ATRX: variants seen among roughly 807,000 people sequenced by gnomAD.
ATRX encodes the protein ATRX chromatin remodeler, also known as chromatin remodeler ATRX.
Under a neutral mutation model 172.6 loss-of-function variants are expected in ATRX, and 12 were observed. That is an observed-to-expected ratio of 0.07 (90% CI 0.04 to 0.11). The LOEUF (loss-of-function observed/expected upper bound fraction) is 0.11, where lower values mean the gene tolerates loss of function less well. Ranked by LOEUF, ATRX falls within the 10% of genes least tolerant of loss-of-function variation. ATRX has a pLI of 1.00. For missense variants in ATRX, 1,368 were observed against 1,767.4 expected (o/e 0.77, Z 4.05); for synonymous variants, 674 against 594.7 (o/e 1.13, Z -1.94).
intron 1 of ATRX, among the ~76,000 whole-genome samples, chrX:77,720,967 G>T (rs2073728463): frequency 9.0e-6 from 1 of 111,634 alleles, no homozygotes; most frequent in Non-Finnish European, 1.9e-5. Context: ...ACATCAAAAA[G>T]CTTATCCACC....
intron 13 of ATRX, 28 bp downstream of exon 13, chrX:77,656,532 A>G: frequency 8.7e-7 from 1 of 1,151,897 alleles, no homozygotes; most frequent in Non-Finnish European, 1.2e-6. Context: ...ATTAATTCCT[A>G]AAATTTTTTA....
At chrX:77,536,928 C>G (rs782505301) in intron 30 of ATRX, among the ~76,000 whole-genome samples, 87 of 111,858 alleles carry the variant, frequency 7.8e-4, no homozygotes, top group Non-Finnish European at 1.3e-3. Flanking sequence ...ATTAAGATCA[C>G]AGGCTCTGGA....
intron 30 of ATRX, among the ~76,000 whole-genome samples, chrX:77,528,150 C>T (rs1557044674): frequency 9.1e-6 from 1 of 109,859 alleles, no homozygotes; most frequent in Non-Finnish European, 1.9e-5. Flanking sequence ...CCCCCTCCTT[C>T]CCCGCACAAG....
intron 1 of ATRX, among the ~76,000 whole-genome samples, chrX:77,720,439 A>G (rs1456799146): frequency 1.8e-5 from 2 of 111,616 alleles, no homozygotes; most frequent in Admixed American, 9.6e-5. Flanking sequence ...CCGGACTAAT[A>G]AAGAACAAAA....
chrX:77,638,374 G>C (rs1408160291), intron 15 of ATRX, among the ~76,000 whole-genome samples: 1 of 113,026 alleles, frequency 8.8e-6, no homozygotes, highest in African/African-American at 3.2e-5. Flanking sequence ...TCAGGAGGCT[G>C]AGGCAGGAGA....
chrX:77,729,365 T>C (rs987135141), intron 1 of ATRX, among the ~76,000 whole-genome samples: 3 of 111,630 alleles, frequency 2.7e-5, no homozygotes, highest in Non-Finnish European at 3.8e-5. Flanking sequence ...ACCCCAAAAA[T>C]ATCTTTAGTA....
chrX:77,758,635 G>A (rs2075602240), intron 1 of ATRX, among the ~76,000 whole-genome samples: 1 of 109,651 alleles, frequency 9.1e-6, no homozygotes, highest in Admixed American at 9.8e-5. Flanking sequence ...GCATGCTCCT[G>A]TAATCCCAGC....
At chrX:77,539,728 C>T (rs1279343651) in intron 30 of ATRX, among the ~76,000 whole-genome samples, 2 of 111,391 alleles carry the variant, frequency 1.8e-5, no homozygotes, top group Admixed American at 9.6e-5. Context: ...GCTTTATAAG[C>T]GAAGGAGAAA....
At chrX:77,654,533 T>C (rs1041879595) in intron 13 of ATRX, among the ~76,000 whole-genome samples, 1 of 111,382 alleles carries the variant, frequency 9.0e-6, no homozygotes, top group Non-Finnish European at 1.9e-5. Flanking sequence ...GATTACAAAT[T>C]TGAATACTGT....
At chrX:77,716,307 A>G (rs1196333178) in intron 2 of ATRX, among the ~76,000 whole-genome samples, 1 of 46,418 alleles carries the variant, frequency 2.2e-5, no homozygotes, top group African/African-American at 6.3e-5. Flanking sequence ...TCTTTAAAAA[A>G]AAAAAAAAAA....
intron 27 of ATRX, among the ~76,000 whole-genome samples, chrX:77,578,823 G>T (rs781864836): frequency 8.9e-6 from 1 of 112,213 alleles, no homozygotes; most frequent in African/African-American, 3.2e-5. Context: ...GCGGACAAAA[G>T]CAACAAACGG....
At chrX:77,763,445 A>G (rs1163850984) in intron 1 of ATRX, among the ~76,000 whole-genome samples, 4 of 88,154 alleles carry the variant, frequency 4.5e-5, no homozygotes, top group African/African-American at 1.8e-4. Flanking sequence ...GGCCCAACCC[A>G]TTATACTATT....
At chrX:77,597,599 C>CA (rs1369296050) in intron 25 of ATRX, among the ~76,000 whole-genome samples, 3 of 110,369 alleles carry the variant, frequency 2.7e-5, no homozygotes, top group Admixed American at 9.6e-5. Flanking sequence ...AATTCAACAG[C>CA]AAAAAAACAA....
chrX:77,579,230 G>A (rs2065739277), intron 27 of ATRX, among the ~76,000 whole-genome samples: 1 of 112,478 alleles, frequency 8.9e-6, no homozygotes, highest in African/African-American at 3.2e-5. Context: ...CAACATGAAG[G>A]GAAAGACCCA....
At chrX:77,571,379 G>A (rs2065405576) in intron 28 of ATRX, among the ~76,000 whole-genome samples, 1 of 111,832 alleles carries the variant, frequency 8.9e-6, no homozygotes, top group South Asian at 3.7e-4. Flanking sequence ...TAATAAAAAG[G>A]AACAAACTAT....
intron 22 of ATRX, among the ~76,000 whole-genome samples, chrX:77,604,968 G>A (rs1557089551): frequency 8.9e-6 from 1 of 112,171 alleles, no homozygotes; most frequent in African/African-American, 3.2e-5. Flanking sequence ...TGGATGTAGA[G>A]TGTGGAATGA....
At position 77,600,747 on chromosome X, in the gene ATRX, T is replaced by C. The variant is rs782425045; in HGVS notation, c.5567-183A>G. On this transcript the variant is annotated intron_variant, in intron 22 of 34. Coordinates refer to ENST00000373344, the MANE Select transcript of ATRX (RefSeq NM_000489.6). ...ATAGGATTACAAAAGAAACCCATCATATAGAAATTATCAAAATATTAAAGA... is the reference window on the plus strand; with the variant it reads ...ATAGGATTACAAAAGAAACCCATCACATAGAAATTATCAAAATATTAAAGA... 7 of 396,299 alleles carry C rather than the reference T, an allele frequency of 1.8e-5. No homozygotes were observed. In the East Asian group the frequency reaches 2.7e-4, roughly 15 times the overall value. The allele number at this position is 396,299 out of a possible 1,213,427, so 32.7% of individuals were successfully genotyped here.
Position 77,724,326 on chromosome X carries a change from A to G in ATRX, c.21-7083T>C, listed in dbSNP as rs782227621. Among the ~76,000 whole-genome samples, 8 of 107,567 alleles carry G rather than the reference A, an allele frequency of 7.4e-5. No homozygotes were observed. The South Asian group carries it at 2.7e-3, about 37-fold the overall frequency. 93.4% of individuals were successfully genotyped at this position (107,567 alleles called of 115,157 possible). A position where few individuals can be genotyped will look rare whatever the true frequency, so the allele number is the denominator to read the frequency against. Reference sequence around the variant, plus strand: ...AGAATGGACAGAAGTCCAACAGTGGAAAAAAAAGAAAAAAAAACAGATAAC... The same window carrying G: ...AGAATGGACAGAAGTCCAACAGTGGGAAAAAAAGAAAAAAAAACAGATAAC... On this transcript the variant is annotated intron_variant, in intron 1 of 34. Coordinates refer to ENST00000373344, the MANE Select transcript of ATRX (RefSeq NM_000489.6).
At chrX:77,752,475 T>C (rs1392968868) in intron 1 of ATRX, among the ~76,000 whole-genome samples, 1 of 111,363 alleles carries the variant, frequency 9.0e-6, no homozygotes, top group Non-Finnish European at 1.9e-5. Flanking sequence ...TATTTCTTTC[T>C]CTTGCCTAGC....
Sources: gnomAD v4.1 joint callset for allele counts (sites outside exome capture counted in the v4.1 genomes callset) on GRCh38, gnomAD v4.1.1 for gene constraint, MANE v1.5 for transcripts, NCBI Gene and HGNC (gene_info 2026-07-23, HGNC 2026-07-21) for gene names.